NPEPPS: variants seen among roughly 807,000 people sequenced by gnomAD.
NPEPPS encodes aminopeptidase puromycin sensitive.
In NPEPPS, 14 loss-of-function variants were observed where a neutral mutation model predicts 115.5. The ratio of observed to expected loss-of-function variants is 0.12; its 90% CI spans 0.08 to 0.19. NPEPPS has a LOEUF of 0.19. Among genes scored for constraint, NPEPPS ranks in the 10% least tolerant of loss-of-function variants. The probability of loss-of-function intolerance (pLI) is 1.00; values close to 1 mark genes in which losing one functional copy is unlikely to be tolerated. For missense variants in NPEPPS, 523 were observed against 1,110.8 expected, an observed-to-expected ratio of 0.47 and a Z score of 7.52; for synonymous variants, 285 against 390.6, an observed-to-expected ratio of 0.73 and a Z score of 3.19.
At chr17:47,547,269 C>T (rs1318209607) in intron 2 of NPEPPS, among the ~76,000 whole-genome samples, 2 of 151,970 alleles carry the variant, frequency 1.3e-5, no homozygotes, top group Non-Finnish European at 2.9e-5. Flanking sequence ...ATCTTATTCC[C>T]GTATGAGCTG....
intron 3 of NPEPPS, among the ~76,000 whole-genome samples, chr17:47,575,627 T>A (rs1401052183): frequency 6.7e-6 from 1 of 149,976 alleles, no homozygotes; most frequent in Non-Finnish European, 1.5e-5. Context: ...ATTTTTGAGA[T>A]GGAGTCTTGC....
chr17:47,599,829 T>A, intron 14 of NPEPPS, 90 bp downstream of exon 14: 1 of 1,153,334 alleles, frequency 8.7e-7, no homozygotes, highest in Non-Finnish European at 1.2e-6. Context: ...AATTTTTCTT[T>A]TTTTTTTTTG....
At chr17:47,611,041 A>G (rs1233843892) in intron 17 of NPEPPS, among the ~76,000 whole-genome samples, 4 of 150,114 alleles carry the variant, frequency 2.7e-5, no homozygotes, top group Admixed American at 6.6e-5. Flanking sequence ...TTTAGTAGAG[A>G]CAGGGTTTCA....
intron 1 of NPEPPS, among the ~76,000 whole-genome samples, chr17:47,543,778 T>C (rs1279482431): frequency 1.3e-5 from 2 of 152,150 alleles, no homozygotes; most frequent in African/African-American, 4.8e-5. Context: ...AGTTGAAGAT[T>C]TATGTCCAAC....
rs2644369 is a variant in NPEPPS at position 47,554,692 on chromosome 17, C to T, written c.340+8699C>T. ...TAGTATCTTATTGTATTATACTCAC[C>T]CTTCTTCTTTGACATTTCCAAACTG... On this transcript the variant is annotated intron_variant, in intron 2 of 22. Coordinates refer to ENST00000322157, the MANE Select transcript of NPEPPS (RefSeq NM_006310.4). Among the ~76,000 whole-genome samples, 880 of 152,254 alleles carry T rather than the reference C, an allele frequency of 5.8e-3. 3 individuals carry two copies. Among genetic ancestry groups the T allele is most frequent in the African/African-American group, 0.017 (708 of 41,534 alleles).
intron 3 of NPEPPS, among the ~76,000 whole-genome samples, chr17:47,578,469 G>T (rs1368023286): frequency 2.0e-5 from 3 of 151,014 alleles, no homozygotes; most frequent in Non-Finnish European, 4.4e-5. Flanking sequence ...ACACAGAATG[G>T]GATTACTGTT....
At chr17:47,535,316 C>G (rs889567557) in intron 1 of NPEPPS, among the ~76,000 whole-genome samples, 1 of 143,282 alleles carries the variant, frequency 7.0e-6, no homozygotes, top group Non-Finnish European at 1.5e-5. Context: ...CTTTGGGAGG[C>G]AGAGGCGGGC....
At position 47,525,239 on chromosome 17, in the gene NPEPPS, T is replaced by C. The variant is rs541557767; in HGVS notation, c.77+2176T>C. 5.9e-5 allele frequency among the ~76,000 whole-genome samples: 9 copies of C among 152,306 alleles called. No individual in the cohort carries two copies. In the East Asian group the frequency reaches 1.7e-3, roughly 29 times the overall value. The stretch of plus-strand genomic sequence containing the variant: ...TTATTCTTGACTTGCTGCATTGGAA[T>C]CTCTTGGATCATGGGACCAAGGATG... On this transcript the variant is annotated intron_variant, in intron 1 of 5. Coordinates refer to the NPEPPS transcript ENST00000525007.
intron 14 of NPEPPS, among the ~76,000 whole-genome samples, chr17:47,601,049 C>T (rs1318488880): frequency 6.6e-6 from 1 of 151,908 alleles, no homozygotes; most frequent in Non-Finnish European, 1.5e-5. Flanking sequence ...ATGGCAAAAC[C>T]CCATCTCTAC....
chr17:47,537,917 G>A (rs1038754042), intron 1 of NPEPPS, among the ~76,000 whole-genome samples: 6 of 147,088 alleles, frequency 4.1e-5, no homozygotes, highest in Admixed American at 1.4e-4. Context: ...TTTTTGAGAC[G>A]GAGTTTCGCT....
At chr17:47,553,969 C>G (rs1198360094) in intron 2 of NPEPPS, among the ~76,000 whole-genome samples, 1 of 151,424 alleles carries the variant, frequency 6.6e-6, no homozygotes, top group Non-Finnish European at 1.5e-5. Context: ...CCAGGATGGT[C>G]TCCATCTTCT....
At chr17:47,574,228 A>G (rs1911371020) in intron 3 of NPEPPS, among the ~76,000 whole-genome samples, 1 of 152,130 alleles carries the variant, frequency 6.6e-6, no homozygotes, top group Non-Finnish European at 1.5e-5. Context: ...AGTAGAAGAA[A>G]GTTTTAAGAG....
At chr17:47,615,073 C>CTTT (rs60829784) in intron 19 of NPEPPS, among the ~76,000 whole-genome samples, 3,753 of 121,646 alleles carry the variant, frequency 0.031, 187 homozygotes, top group African/African-American at 0.069. Flanking sequence ...TACTTTCTTT[C>CTTT]TTTTTTTTTT....
chr17:47,621,883 A>G lies in NPEPPS; in HGVS notation c.2723A>G (p.Tyr908Cys), dbSNP rs1305104459. The change falls in exon 23 of 23, where the codon TAC becomes TGC. Residue 908 changes from tyrosine to cysteine, a missense_variant. Transcript: ENST00000322157. ...LKRDAESIHQ[Y>C]LLQRKASPPT... ...CGAGATGCTGAGAGCATCCACCAGT[A>G]CCTCCTTCAGCGGAAGGCCTCACCA... is the stretch of plus-strand genomic sequence containing the variant. 6.2e-7 allele frequency: 1 copy of G among 1,613,486 alleles called. No homozygotes were observed. The highest frequency in any genetic ancestry group is 8.5e-7 in the Non-Finnish European group (1 of 1,179,638).
At chr17:47,535,719 T>C (rs972391230) in intron 1 of NPEPPS, among the ~76,000 whole-genome samples, 2 of 151,092 alleles carry the variant, frequency 1.3e-5, no homozygotes, top group South Asian at 4.2e-4. Flanking sequence ...AGATATTTCA[T>C]ATTTTGATCC....
rs529258631 is a variant in NPEPPS at position 47,538,124 on chromosome 17, C to T, written c.255+6569C>T. Among the ~76,000 whole-genome samples the T allele has an allele frequency of 3.8e-4, 58 of 150,716 alleles. No individual in the cohort carries two copies. In the South Asian group the frequency reaches 0.012, roughly 31 times the overall value. ...GCCAGGCTGGTCTTGAACTCCTGACCTCAGGTGATCTGCCTGCCTCCGCCT... is the reference window on the plus strand; with the variant it reads ...GCCAGGCTGGTCTTGAACTCCTGACTTCAGGTGATCTGCCTGCCTCCGCCT... On this transcript the variant is annotated intron_variant, in intron 1 of 22. Transcript: ENST00000322157.
chr17:47,606,464 T>C (rs940515176), intron 17 of NPEPPS, among the ~76,000 whole-genome samples: 48 of 151,660 alleles, frequency 3.2e-4, no homozygotes, highest in African/African-American at 1.1e-3. Flanking sequence ...TTGTCTTCTT[T>C]TTTTTTTTTT....
At chr17:47,537,881 C>T (rs1908417700) in intron 1 of NPEPPS, among the ~76,000 whole-genome samples, 2 of 150,496 alleles carry the variant, frequency 1.3e-5, no homozygotes, top group African/African-American at 2.4e-5. Flanking sequence ...AGTTTCATAT[C>T]TGTTTTTTTT....
At chr17:47,527,141 T>C (rs1159494244), upstream of NPEPPS, among the ~76,000 whole-genome samples, 2 of 152,126 alleles carry the variant, frequency 1.3e-5, no homozygotes, top group Non-Finnish European at 2.9e-5. Flanking sequence ...AATGGGGTAA[T>C]GGTGTCCGCC....
Sources: gnomAD v4.1 joint callset for allele counts (sites outside exome capture counted in the v4.1 genomes callset) on GRCh38, gnomAD v4.1.1 for gene constraint, MANE v1.5 for transcripts, NCBI Gene and HGNC (gene_info 2026-07-23, HGNC 2026-07-21) for gene names.